CREB5: variants seen among roughly 807,000 people sequenced by gnomAD.
The protein encoded by CREB5 is cyclic AMP-responsive element-binding protein 5.
Under a neutral mutation model 57.1 loss-of-function variants are expected in CREB5, and 19 were observed. The observed-to-expected ratio is 0.33, with a 90% CI of 0.23 to 0.49. The LOEUF is 0.49. Ranked by LOEUF, CREB5 falls within the 20% of genes least tolerant of loss-of-function variation. The pLI, the probability that CREB5 is intolerant of heterozygous loss-of-function variation, is 0.99. For synonymous variants in CREB5, 238 were observed against 238.3 expected, an observed-to-expected ratio of 1.00 and a Z score of 0.01; for missense variants, 579 against 671.6, an observed-to-expected ratio of 0.86 and a Z score of 1.52.
chr7:28,802,938 A>C (rs1252965626), intron 7 of CREB5, among the ~76,000 whole-genome samples: 2 of 152,258 alleles, frequency 1.3e-5, no homozygotes, highest in Non-Finnish European at 2.9e-5. Flanking sequence ...AAGTTGTATC[A>C]GAACATAGCA....
At chr7:28,319,292 T>C (rs1459012240) in intron 1 of CREB5, among the ~76,000 whole-genome samples, 2 of 152,204 alleles carry the variant, frequency 1.3e-5, no homozygotes, top group Non-Finnish European at 2.9e-5. Flanking sequence ...GTTTCTCTTA[T>C]AGAGTAATTC....
chr7:28,358,656 G>A lies in CREB5; in HGVS notation c.-25+59215G>A, dbSNP rs918845686. Among the ~76,000 whole-genome samples the A allele has an allele frequency of 3.3e-5, 5 of 152,162 alleles. No homozygotes were observed. The East Asian group carries it at 9.6e-4, about 29-fold the overall frequency. On this transcript the variant is annotated intron_variant, in intron 1 of 9. Transcript: ENST00000396299. ...AGCATCTGCAGCCGTCCTGCCTGGG[G>A]CCATGAGCTCATCTGATCTCTTACT...
upstream of CREB5, among the ~76,000 whole-genome samples, chr7:28,407,581 A>G (rs1787611094): frequency 6.6e-6 from 1 of 152,206 alleles, no homozygotes; most frequent in South Asian, 2.1e-4. Context: ...GGAATATGTA[A>G]AAATCTCAGT....
Position 28,367,997 on chromosome 7 carries a change from C to T in CREB5, c.-25+68556C>T, listed in dbSNP as rs373147047. 1.4e-4 allele frequency among the ~76,000 whole-genome samples: 22 copies of T among 152,252 alleles called. No homozygotes were observed. The East Asian group carries it at 4.2e-3, about 29-fold the overall frequency. On this transcript the variant is annotated intron_variant, in intron 1 of 9. Transcript: ENST00000396299. ...TCCCTGCTTTCATTCTGCCATACCC[C>T]ACCAATGATCTATGCTCCATAAAGC... is the stretch of plus-strand genomic sequence containing the variant.
At chr7:28,442,075 C>T (rs1372872600) in intron 1 of CREB5, among the ~76,000 whole-genome samples, 1 of 152,120 alleles carries the variant, frequency 6.6e-6, no homozygotes, top group Non-Finnish European at 1.5e-5. Flanking sequence ...CCACCTCTCC[C>T]ACTGTCCTCT....
intron 5 of CREB5, among the ~76,000 whole-genome samples, chr7:28,643,767 A>AAG (rs1798781652): frequency 2.7e-4 from 3 of 10,926 alleles, no homozygotes; most frequent in African/African-American, 5.5e-4. Context: ...GGGGCGGAAG[A>AAG]AAAAAAAAAA....
At chr7:28,591,470 T>C (rs1301414496) in intron 5 of CREB5, among the ~76,000 whole-genome samples, 2 of 152,212 alleles carry the variant, frequency 1.3e-5, no homozygotes, top group Non-Finnish European at 2.9e-5. Flanking sequence ...AGATTTGCTA[T>C]GTCCTGAGAC....
intron 1 of CREB5, among the ~76,000 whole-genome samples, chr7:28,351,794 G>T (rs1362938812): frequency 2.0e-5 from 3 of 152,068 alleles, no homozygotes; most frequent in Non-Finnish European, 2.9e-5. Context: ...TGTTAATTAG[G>T]TATTCAAGAA....
chr7:28,691,420 C>CAA (rs60338671), intron 5 of CREB5, among the ~76,000 whole-genome samples: 67 of 92,526 alleles, frequency 7.2e-4, no homozygotes, highest in Middle Eastern at 5.3e-3. Flanking sequence ...ACTCTGTCTC[C>CAA]AAAAAAAAAA....
intron 1 of CREB5, among the ~76,000 whole-genome samples, chr7:28,483,625 A>T (rs939533611): frequency 6.6e-6 from 1 of 152,200 alleles, no homozygotes; most frequent in Non-Finnish European, 1.5e-5. Context: ...GTGTCTAACC[A>T]AAGGTATCGG....
intron 1 of CREB5, among the ~76,000 whole-genome samples, chr7:28,334,046 G>T (rs111831969): frequency 2.0e-5 from 3 of 152,082 alleles, no homozygotes; most frequent in Non-Finnish European, 4.4e-5. Flanking sequence ...CCTTGCCAGC[G>T]TTTGTAATTG....
At chr7:28,798,695 G>C (rs1421941506) in intron 7 of CREB5, among the ~76,000 whole-genome samples, 1 of 152,196 alleles carries the variant, frequency 6.6e-6, no homozygotes, top group African/African-American at 2.4e-5. Flanking sequence ...CTGTGCGTCA[G>C]GCTTCTCGCC....
At chr7:28,792,798 G>A (rs576823988) in intron 7 of CREB5, among the ~76,000 whole-genome samples, 1 of 152,244 alleles carries the variant, frequency 6.6e-6, no homozygotes, top group African/African-American at 2.4e-5. Flanking sequence ...GACTTCTACA[G>A]GTCTGGCTCA....
chr7:28,449,419 A>G lies in CREB5; in HGVS notation c.3+36502A>G, dbSNP rs569979328. On this transcript the variant is annotated intron_variant, in intron 1 of 10. Coordinates refer to ENST00000357727, the MANE Select transcript of CREB5 (RefSeq NM_182898.4). Reference sequence around the variant, plus strand: ...CTTTCGCTATTGGCTGTACACTTAAACCTTCCCTTTGTGGCCCATCAACTT... The same window carrying G: ...CTTTCGCTATTGGCTGTACACTTAAGCCTTCCCTTTGTGGCCCATCAACTT... Among the ~76,000 whole-genome samples the G allele has an allele frequency of 1.1e-4, 17 of 152,196 alleles. No individual in the cohort carries two copies. In the East Asian group the frequency reaches 3.3e-3, roughly 29 times the overall value.
intron 7 of CREB5, among the ~76,000 whole-genome samples, chr7:28,762,124 A>G (rs1284040862): frequency 1.3e-5 from 2 of 152,200 alleles, no homozygotes; most frequent in South Asian, 2.1e-4. Context: ...CAGCGTTACA[A>G]TGGCACAACC....
chr7:28,608,813 T>C (rs756952657), intron 5 of CREB5, among the ~76,000 whole-genome samples: 6 of 152,234 alleles, frequency 3.9e-5, no homozygotes, highest in Non-Finnish European at 5.9e-5. Flanking sequence ...TGATAGGGAC[T>C]GTTGGTTTTG....
At chr7:28,591,575 G>A (rs1796518842) in intron 5 of CREB5, among the ~76,000 whole-genome samples, 1 of 152,150 alleles carries the variant, frequency 6.6e-6, no homozygotes, top group Non-Finnish European at 1.5e-5. Flanking sequence ...AAACAATAAG[G>A]GGAGTCCAGT....
At chr7:28,338,067 CA>C (rs1439215598) in intron 1 of CREB5, among the ~76,000 whole-genome samples, 2 of 152,038 alleles carry the variant, frequency 1.3e-5, no homozygotes, top group African/African-American at 2.4e-5. Context: ...TCTTATTATA[CA>C]GTCTATGTCT....
At chr7:28,384,034 T>C (rs576681692) in intron 1 of CREB5, among the ~76,000 whole-genome samples, 1 of 152,334 alleles carries the variant, frequency 6.6e-6, no homozygotes, top group South Asian at 2.1e-4. Flanking sequence ...GGAAAATGAA[T>C]ACTCTTCTGG....
Sources: gnomAD v4.1 joint callset for allele counts (sites outside exome capture counted in the v4.1 genomes callset) on GRCh38, gnomAD v4.1.1 for gene constraint, MANE v1.5 for transcripts, NCBI Gene and HGNC (gene_info 2026-07-23, HGNC 2026-07-21) for gene names.